TDRD3: variants seen among roughly 807,000 people sequenced by gnomAD.
TDRD3 encodes tudor domain-containing protein 3.
Under a neutral mutation model 86.7 loss-of-function variants are expected in TDRD3, and 45 were observed. The observed-to-expected ratio is 0.52, with a 90% CI of 0.41 to 0.67. The LOEUF is 0.67. TDRD3 is among the 30% of genes least tolerant of loss of function. The pLI, the probability that TDRD3 is intolerant of heterozygous loss-of-function variation, is 0.00. For missense variants in TDRD3, 814 were observed against 889.0 expected (o/e 0.92, Z 1.07); for synonymous variants, 298 against 301.7 (o/e 0.99, Z 0.13).
intron 7 of TDRD3, among the ~76,000 whole-genome samples, chr13:60,491,370 T>A (rs9528150): frequency 0.12 from 18,953 of 152,058 alleles, 1,369 homozygotes; most frequent in East Asian, 0.2. Flanking sequence ...GTTGTAGACA[T>A]ATGGATGGTA....
At chr13:60,501,714 T>A (rs894067869) in intron 8 of TDRD3, among the ~76,000 whole-genome samples, 2 of 152,228 alleles carry the variant, frequency 1.3e-5, no homozygotes, top group African/African-American at 4.8e-5. Context: ...TTCTGACTTG[T>A]CCTGAACATC....
At chr13:60,410,432 C>T (rs1369718561) in intron 1 of TDRD3, among the ~76,000 whole-genome samples, 4 of 152,192 alleles carry the variant, frequency 2.6e-5, no homozygotes, top group Admixed American at 6.5e-5. Flanking sequence ...CCAAAAAGGA[C>T]GTGTATGTGT....
At chr13:60,533,767 C>T (rs2137808470) in intron 11 of TDRD3, among the ~76,000 whole-genome samples, 1 of 152,316 alleles carries the variant, frequency 6.6e-6, no homozygotes. Flanking sequence ...TCCTAAGCAA[C>T]ATTCAGACCT....
intron 1 of TDRD3, among the ~76,000 whole-genome samples, chr13:60,418,560 A>G (rs759101958): frequency 9.2e-5 from 14 of 152,192 alleles, no homozygotes; most frequent in Non-Finnish European, 2.1e-4. Context: ...TGTTTATTGA[A>G]TAAATAAACT....
intron 6 of TDRD3, chr13:60,484,667 A>C (rs1490913401): frequency 6.7e-6 from 3 of 447,418 alleles, no homozygotes. Flanking sequence ...TTTAAAAAAT[A>C]ATGTTGATTT....
intron 7 of TDRD3, among the ~76,000 whole-genome samples, chr13:60,489,507 C>T (rs1956531470): frequency 6.6e-6 from 1 of 152,182 alleles, no homozygotes; most frequent in Admixed American, 6.5e-5. Flanking sequence ...GAAGCATATC[C>T]TACTGACACC....
intron 1 of TDRD3, among the ~76,000 whole-genome samples, chr13:60,435,593 CATT>C (rs1168209061): frequency 1.3e-5 from 2 of 152,152 alleles, no homozygotes; most frequent in Non-Finnish European, 2.9e-5. Flanking sequence ...TTGCAAAAGA[CATT>C]ATTTCAATTC....
intron 1 of TDRD3, among the ~76,000 whole-genome samples, chr13:60,406,499 T>TA (rs1594894414): frequency 6.6e-6 from 1 of 152,240 alleles, no homozygotes; most frequent in Non-Finnish European, 1.5e-5. Context: ...AATTTAAAAT[T>TA]ACATATGTGG....
At chr13:60,546,098 G>T (rs936811332) in intron 12 of TDRD3, among the ~76,000 whole-genome samples, 4 of 152,064 alleles carry the variant, frequency 2.6e-5, no homozygotes, top group African/African-American at 7.2e-5. Context: ...AAAGCTTTGG[G>T]CACAAATACA....
intron 4 of TDRD3, among the ~76,000 whole-genome samples, chr13:60,464,532 G>A (rs1955872829): frequency 6.6e-6 from 1 of 151,724 alleles, no homozygotes; most frequent in African/African-American, 2.4e-5. Flanking sequence ...AATGGATAAA[G>A]AAAACATATG....
chr13:60,534,672 T>TC (rs937581940), intron 11 of TDRD3, among the ~76,000 whole-genome samples: 5 of 151,972 alleles, frequency 3.3e-5, no homozygotes, highest in Non-Finnish European at 5.9e-5. Context: ...ACACCTTTTA[T>TC]CCCAGTACTG....
chr13:60,456,332 T>A (rs1955669497), intron 3 of TDRD3, among the ~76,000 whole-genome samples: 1 of 151,876 alleles, frequency 6.6e-6, no homozygotes, highest in African/African-American at 2.4e-5. Flanking sequence ...TAGTTAGGAG[T>A]TTAGATGACA....
chr13:60,499,349 C>T (rs1050330916), intron 8 of TDRD3, among the ~76,000 whole-genome samples: 3 of 152,232 alleles, frequency 2.0e-5, no homozygotes, highest in African/African-American at 7.2e-5. Flanking sequence ...ATTAACACAT[C>T]TCCTGGTACC....
chr13:60,519,789 T>C (rs1957252468), intron 10 of TDRD3, among the ~76,000 whole-genome samples: 1 of 152,184 alleles, frequency 6.6e-6, no homozygotes, highest in African/African-American at 2.4e-5. Flanking sequence ...AATAGGGATG[T>C]TATAACTGTA....
intron 4 of TDRD3, among the ~76,000 whole-genome samples, chr13:60,464,334 A>G (rs1955866180): frequency 6.6e-6 from 1 of 152,182 alleles, no homozygotes; most frequent in Non-Finnish European, 1.5e-5. Flanking sequence ...CACCATGGAA[A>G]ACGGTATGGC....
rs115504952 is a variant in TDRD3, at chr13:60,471,640, C to T, written c.495+4261C>T. The stretch of plus-strand genomic sequence containing the variant: ...CAATATTAAATCTTTCAATTCATGA[C>T]CATGGGAAGTCCTTTTCACATTGTT... On this transcript the variant is annotated intron_variant, in intron 5 of 13. Transcript: ENST00000377881. 4.2e-3 allele frequency among the ~76,000 whole-genome samples: 638 copies of T among 152,116 alleles called. 2 individuals carry two copies. Among genetic ancestry groups the T allele is most frequent in the African/African-American group, 0.015 (613 of 41,498 alleles).
intron 4 of TDRD3, among the ~76,000 whole-genome samples, chr13:60,462,502 C>T (rs757271737): frequency 6.6e-6 from 1 of 152,102 alleles, no homozygotes; most frequent in Non-Finnish European, 1.5e-5. Context: ...ATTTGGAAGA[C>T]ATTATACAAA....
chr13:60,432,549 T>C (rs1323628096), intron 1 of TDRD3, among the ~76,000 whole-genome samples: 1 of 152,154 alleles, frequency 6.6e-6, no homozygotes, highest in Non-Finnish European at 1.5e-5. Flanking sequence ...AAGAATAATA[T>C]ATAAAACAAA....
intron 5 of TDRD3, among the ~76,000 whole-genome samples, chr13:60,472,948 A>C (rs1956103723): frequency 6.6e-6 from 1 of 152,164 alleles, no homozygotes; most frequent in African/African-American, 2.4e-5. Context: ...TCAGTATGGA[A>C]AGTTTTAATT....
Sources: gnomAD v4.1 joint callset for allele counts (sites outside exome capture counted in the v4.1 genomes callset) on GRCh38, gnomAD v4.1.1 for gene constraint, MANE v1.5 for transcripts, NCBI Gene and HGNC (gene_info 2026-07-23, HGNC 2026-07-21) for gene names.